ZEB1: variants seen among roughly 807,000 people sequenced by gnomAD.
ZEB1 encodes the protein zinc finger E-box-binding homeobox 1.
ZEB1 carries 21 observed loss-of-function variants against 84.9 expected under a neutral mutation model. The ratio of observed to expected loss-of-function variants is 0.25; its 90% confidence interval spans 0.18 to 0.36. The LOEUF (loss-of-function observed/expected upper bound fraction) is 0.36. ZEB1 is among the 10% of genes least tolerant of loss of function. The pLI is 1.00. For missense variants in ZEB1, 1,104 were observed against 1,330.2 expected (o/e 0.83, Z 2.65); for synonymous variants, 420 against 471.1 (o/e 0.89, Z 1.41).
At position 31,417,076 on chromosome 10, in the gene ZEB1, C is replaced by A. The variant is rs553327032; in HGVS notation, c.59-43961C>A. On this transcript the variant is annotated intron_variant, in intron 1 of 8. Coordinates refer to ENST00000424869, the MANE Select transcript of ZEB1 (RefSeq NM_001174096.2). ...TATTTATTCAGCAGACCTTTGAGGA[C>A]CTACAATGTGCCAACAATTTATTTA... Among the ~76,000 whole-genome samples the A allele has an allele frequency of 1.4e-3, 209 of 152,194 alleles. 1 individual carries two copies. The highest frequency in any genetic ancestry group is 4.8e-3 in the African/African-American group (200 of 41,524).
chr10:31,319,372 G>C, intron 1 of ZEB1, 80 bp downstream of exon 1: 4 of 1,447,386 alleles, frequency 2.8e-6, no homozygotes, highest in East Asian at 2.3e-5. Context: ...TGAGGGGGGC[G>C]AGCCGGGCTG....
In ZEB1 at chr10:31,526,858, C is replaced by T. The variant is rs779888285; in HGVS notation, c.2972C>T (p.Ala991Val). ...CGCTACTCCTACTGTAAGAGAGAAG[C>T]GGAAGAACGTGACAGCACAGAGCAG... ...NHRYSYCKRE[A>V]EERDSTEQEE... is the part of the protein sequence containing the mutation. The change falls in exon 9 of 9, where the codon GCG becomes GTG. Residue 991 changes from alanine (A) to valine (V), a missense_variant. By Grantham distance (64) the Ala-to-Val change is moderately conservative. Around this residue, in one of 7 missense-constraint regions of ZEB1, gnomAD observed 173 missense variants for 167.0 expected, o/e 1.04. Coordinates refer to ENST00000424869, the MANE Select transcript of ZEB1 (RefSeq NM_001174096.2). 1.3e-5 allele frequency: 21 copies of T among 1,613,994 alleles called. No homozygotes were observed. Among genetic ancestry groups the T allele is most frequent in the African/African-American group, 8.0e-5 (6 of 74,916 alleles).
At chr10:31,341,947 A>G (rs2039453266) in intron 1 of ZEB1, among the ~76,000 whole-genome samples, 1 of 152,324 alleles carries the variant, frequency 6.6e-6, no homozygotes, top group South Asian at 2.1e-4. Context: ...CAGATGGTAC[A>G]GTAAAAGTTG....
intron 3 of ZEB1, among the ~76,000 whole-genome samples, chr10:31,501,628 C>G (rs780487929): frequency 2.0e-5 from 3 of 152,122 alleles, no homozygotes; most frequent in East Asian, 3.9e-4. Context: ...AGCTCCCCCC[C>G]CCATTATCTG....
At chr10:31,466,823 G>GTT (rs2062493289) in intron 2 of ZEB1, among the ~76,000 whole-genome samples, 2 of 152,144 alleles carry the variant, frequency 1.3e-5, no homozygotes, top group Non-Finnish European at 2.9e-5. Flanking sequence ...AACTGAGTTA[G>GTT]TTTTTTGAGA....
intron 2 of ZEB1, among the ~76,000 whole-genome samples, chr10:31,470,512 A>G (rs1349012454): frequency 6.7e-6 from 1 of 148,866 alleles, no homozygotes; most frequent in African/African-American, 2.5e-5. Context: ...AAGTTTAGAG[A>G]AAAAAGAATA....
At chr10:31,420,857 T>C (rs1164696094) in intron 1 of ZEB1, among the ~76,000 whole-genome samples, 1 of 152,164 alleles carries the variant, frequency 6.6e-6, no homozygotes, top group Non-Finnish European at 1.5e-5. Context: ...ATATCTTTGA[T>C]GACTTCTTCA....
At chr10:31,449,900 A>G (rs1265277229) in intron 1 of ZEB1, among the ~76,000 whole-genome samples, 1 of 152,176 alleles carries the variant, frequency 6.6e-6, no homozygotes, top group East Asian at 1.9e-4. Context: ...TAACCATGTC[A>G]GGGGTATACT....
At chr10:31,404,700 G>A (rs562140741) in intron 1 of ZEB1, among the ~76,000 whole-genome samples, 1 of 152,048 alleles carries the variant, frequency 6.6e-6, no homozygotes, top group Non-Finnish European at 1.5e-5. Context: ...CTGTGGGTTG[G>A]ATCTTGCCTT....
intron 4 of ZEB1, among the ~76,000 whole-genome samples, chr10:31,504,838 A>G (rs1473846931): frequency 3.3e-5 from 5 of 151,948 alleles, no homozygotes. Context: ...AGCAGATTGC[A>G]GTTTTTTGGT....
chr10:31,521,285 C>T lies in ZEB1; in HGVS notation c.1953C>T (p.Gly651=). ...CTGAACCATCTTCTCCTGAACCAGG[C>T]AAAGTAAATATCCCTGCCAAGAACA... ...QSSEPSSPEP[G]KVNIPAKNND... Residue 651 remains glycine (G), a synonymous_variant, in exon 7 of 9, where the codon GGC becomes GGT. Coordinates refer to ENST00000424869, the MANE Select transcript of ZEB1 (RefSeq NM_001174096.2). 6.2e-7 allele frequency: 1 copy of T among 1,614,034 alleles called. No homozygotes were observed.
intron 1 of ZEB1, among the ~76,000 whole-genome samples, chr10:31,354,665 A>G (rs1312253218): frequency 6.6e-6 from 1 of 152,298 alleles, no homozygotes; most frequent in East Asian, 1.9e-4. Flanking sequence ...ACATTTCACT[A>G]GAAGTTAAAT....
chr10:31,516,539 T>TAAAAAAAA (rs71027029), intron 6 of ZEB1, among the ~76,000 whole-genome samples: 5 of 34,070 alleles, frequency 1.5e-4, no homozygotes, highest in African/African-American at 5.0e-4. Flanking sequence ...TGTCTGTAAG[T>TAAAAAAAA]AAAAAAAAAA....
At chr10:31,506,353 G>T (rs192200704) in intron 4 of ZEB1, among the ~76,000 whole-genome samples, 7 of 152,078 alleles carry the variant, frequency 4.6e-5, no homozygotes, top group Admixed American at 3.9e-4. Flanking sequence ...GTCTAATGCT[G>T]ATAGGGGTGT....
At position 31,331,143 on chromosome 10, in the gene ZEB1, G is replaced by C. The variant is rs529078861; in HGVS notation, c.58+11851G>C. ...CTTGCTGTGTTGCCCAGGCTGGAAT[G>C]CAGTGGCATCTCGGTTCACTGCAAC... On this transcript the variant is annotated intron_variant, in intron 1 of 8. Coordinates refer to ENST00000424869, the MANE Select transcript of ZEB1 (RefSeq NM_001174096.2). Among the ~76,000 whole-genome samples the C allele has an allele frequency of 9.9e-5, 12 of 121,450 alleles. No individual in the cohort carries two copies. In the East Asian group the frequency reaches 2.9e-3, roughly 29 times the overall value. The allele number at this position is 121,450 out of a possible 152,430, so 79.7% of individuals were successfully genotyped here. A position where few individuals can be genotyped will look rare whatever the true frequency, so the allele number is the denominator to read the frequency against.
rs2073843952 is a variant in ZEB1 at position 31,528,682 on chromosome 10, T to TATA, written c.*1422_*1424dup. 6.6e-6 allele frequency: 1 copy of TATA among 152,198 alleles called. No individual in the cohort carries two copies. Among genetic ancestry groups the TATA allele is most frequent in the Non-Finnish European group, 1.5e-5 (1 of 68,028 alleles). The allele number at this position is 152,198 out of a possible 1,614,324, so 9.4% of individuals were successfully genotyped here. A position where few individuals can be genotyped will look rare whatever the true frequency, so the allele number is the denominator to read the frequency against. On this transcript the variant is annotated 3_prime_UTR_variant, in exon 9 of 9. Transcript: ENST00000424869. ...TCTTTATTTATTACACAGTGTAGTG[T>TATA]ATAATACTGTAGTTTGTATTAATAC... is the stretch of plus-strand genomic sequence containing the variant.
chr10:31,472,964 A>T (rs928351652), intron 2 of ZEB1, among the ~76,000 whole-genome samples: 20 of 130,486 alleles, frequency 1.5e-4, no homozygotes, highest in African/African-American at 7.0e-4. Flanking sequence ...AAACCACATG[A>T]TTATCTCAAT....
chr10:31,471,480 G>A (rs540005384), intron 2 of ZEB1, among the ~76,000 whole-genome samples: 2 of 151,430 alleles, frequency 1.3e-5, no homozygotes, highest in Non-Finnish European at 3.0e-5. Flanking sequence ...TTACATAATG[G>A]TAAAGGGATC....
chr10:31,481,254 T>TAAAA (rs2065005138), intron 2 of ZEB1, among the ~76,000 whole-genome samples: 1 of 151,990 alleles, frequency 6.6e-6, no homozygotes, highest in African/African-American at 2.4e-5. Context: ...TGAATATATA[T>TAAAA]AAAAACAGAT....
Sources: gnomAD v4.1 joint callset for allele counts (sites outside exome capture counted in the v4.1 genomes callset) on GRCh38, gnomAD v4.1.1 for gene constraint, gnomAD v4.1.1 regional missense constraint, MANE v1.5 for transcripts, NCBI Gene and HGNC (gene_info 2026-07-23, HGNC 2026-07-21) for gene names.